Variants in EEIG2 observed in about 807,000 individuals in gnomAD.
EEIG2 encodes EEIG family member 2.
At chr1:108,628,614 A>T in the EEIG2 span, 1 of 1,570,326 alleles carries the variant, frequency 6.4e-7, no homozygotes, top group African/African-American at 1.4e-5. Flanking sequence ...AATAAATTTT[A>T]ATTTTTAAAA....
the EEIG2 span, among the ~76,000 whole-genome samples, chr1:108,572,026 A>G: frequency 1.9e-3 from 286 of 152,160 alleles, 1 homozygote; most frequent in Non-Finnish European, 3.7e-3. Flanking sequence ...TCTGCCCTCA[A>G]TCCTGCACTC....
the EEIG2 span, among the ~76,000 whole-genome samples, chr1:108,593,817 G>GT: frequency 6.6e-6 from 1 of 151,906 alleles, no homozygotes; most frequent in Non-Finnish European, 1.5e-5. Flanking sequence ...TGTTTTGTTT[G>GT]TTTTTTGAGA....
the EEIG2 span, chr1:108,600,434 G>T: frequency 9.8e-7 from 1 of 1,025,150 alleles, no homozygotes; most frequent in Non-Finnish European, 1.4e-6. Flanking sequence ...CTTCCTTCCT[G>T]CTACACTGTT....
At chr1:108,570,539 G>A in the EEIG2 span, among the ~76,000 whole-genome samples, 6 of 152,184 alleles carry the variant, frequency 3.9e-5, no homozygotes, top group African/African-American at 1.4e-4. Flanking sequence ...TGAAAGATCA[G>A]AAAAGCTTCC....
At chr1:108,632,946 A>ATTTTTT in the EEIG2 span, among the ~76,000 whole-genome samples, 4 of 132,210 alleles carry the variant, frequency 3.0e-5, no homozygotes, top group African/African-American at 5.7e-5. Flanking sequence ...CATGCCCAGC[A>ATTTTTT]TTTTTTTTTT....
At chr1:108,605,775 A>C in the EEIG2 span, among the ~76,000 whole-genome samples, 1 of 152,188 alleles carries the variant, frequency 6.6e-6, no homozygotes, top group East Asian at 1.9e-4. Context: ...GTACTATACT[A>C]AATGTATACT....
the EEIG2 span, among the ~76,000 whole-genome samples, chr1:108,604,687 C>T: frequency 2.0e-5 from 3 of 151,896 alleles, no homozygotes; most frequent in South Asian, 4.2e-4. Flanking sequence ...AGATGAAGAT[C>T]GGGAGCCTTT....
At chr1:108,604,959 C>T in the EEIG2 span, among the ~76,000 whole-genome samples, 1 of 151,916 alleles carries the variant, frequency 6.6e-6, no homozygotes, top group South Asian at 2.1e-4. Flanking sequence ...GGGAGGATCT[C>T]CTGAGCCCAG....
chr1:108,573,847 G>A, the EEIG2 span, among the ~76,000 whole-genome samples: 1 of 152,124 alleles, frequency 6.6e-6, no homozygotes, highest in Non-Finnish European at 1.5e-5. Context: ...TACTCATTAG[G>A]ATGGCAACTA....
the EEIG2 span, among the ~76,000 whole-genome samples, chr1:108,629,176 G>A: frequency 6.6e-6 from 1 of 152,152 alleles, no homozygotes; most frequent in Admixed American, 6.5e-5. Context: ...AGTGAATAAT[G>A]GAATCCTTCA....
chr1:108,560,425 C>T, the EEIG2 span: 1 of 1,599,818 alleles, frequency 6.3e-7, no homozygotes, highest in Admixed American at 1.7e-5. Flanking sequence ...GCCTGGCTCT[C>T]ACGATGATGA....
chr1:108,583,158 G>GT, the EEIG2 span, among the ~76,000 whole-genome samples: 1 of 151,324 alleles, frequency 6.6e-6, no homozygotes, highest in African/African-American at 2.4e-5. Flanking sequence ...GCTGCCTTTT[G>GT]TTTTTTGTTT....
chr1:108,635,001 T>A, the EEIG2 span: 2 of 988,850 alleles, frequency 2.0e-6, no homozygotes, highest in Non-Finnish European at 3.1e-6. Context: ...AAATCAAATC[T>A]AGTAGAAAAA....
chr1:108,591,405 C>G, the EEIG2 span, among the ~76,000 whole-genome samples: 1 of 152,122 alleles, frequency 6.6e-6, no homozygotes, highest in Non-Finnish European at 1.5e-5. Flanking sequence ...GAATCCAAGG[C>G]TATTTTGATG....
At chr1:108,618,759 C>G in the EEIG2 span, among the ~76,000 whole-genome samples, 1 of 151,480 alleles carries the variant, frequency 6.6e-6, no homozygotes, top group Non-Finnish European at 1.5e-5. Flanking sequence ...ATTGCTTGAG[C>G]CTGGGAAGTG....
At chr1:108,631,338 C>G in the EEIG2 span, among the ~76,000 whole-genome samples, 1 of 152,224 alleles carries the variant, frequency 6.6e-6, no homozygotes, top group Non-Finnish European at 1.5e-5. Flanking sequence ...ATAGTGTTTA[C>G]TGCTGCTTTG....
the EEIG2 span, among the ~76,000 whole-genome samples, chr1:108,582,478 T>C: frequency 2.0e-5 from 3 of 152,212 alleles, no homozygotes; most frequent in African/African-American, 7.2e-5. Flanking sequence ...GTGGCTATAA[T>C]TTTTATTAAA....
chr1:108,610,659 G>C, the EEIG2 span, among the ~76,000 whole-genome samples: 3 of 152,138 alleles, frequency 2.0e-5, no homozygotes, highest in African/African-American at 7.2e-5. Flanking sequence ...AGCTGGGCGC[G>C]GTGGCTCACA....
At chr1:108,560,359 CCGGGGCTCGGCCAAGCTGAGG>C in the EEIG2 span, 3 of 1,390,924 alleles carry the variant, frequency 2.2e-6, no homozygotes, top group Non-Finnish European at 2.8e-6. Context: ...CTGGGCTGAT[CCGGGGCTCGGCCAAGCTGAGG>C]CGGCGGCGCC....
Sources: allele counts gnomAD v4.1 joint callset (sites outside exome capture counted in the v4.1 genomes callset), GRCh38; gene constraint gnomAD v4.1.1; transcripts MANE v1.5; gene names NCBI Gene and HGNC (gene_info 2026-07-23, HGNC 2026-07-21).